GFAP: variants seen among roughly 807,000 people sequenced by gnomAD.
GFAP encodes the protein intermediate filament protein.
In GFAP, 38 loss-of-function variants were observed where a neutral mutation model predicts 49.3. That is an observed-to-expected ratio of 0.77 (90% CI 0.60 to 1.01). GFAP has a LOEUF of 1.01. GFAP is among the 50% of genes least tolerant of loss of function. GFAP has a pLI of 0.00. For synonymous variants in GFAP, 222 were observed against 236.4 expected (o/e 0.94, Z 0.56); for missense variants, 463 against 579.1 (o/e 0.80, Z 2.06).
At chr17:44,914,144 C>G in intron 1 of GFAP, 56 bp from the exon 2 acceptor site, 1 of 1,245,344 alleles carries the variant, frequency 8.0e-7, no homozygotes, top group South Asian at 1.3e-5. Flanking sequence ...ACTTGAATAC[C>G]TGCCTCAGTC....
chr17:44,907,427 G>A (rs1320223122), intron 8 of GFAP, 39 bp from the exon 9 acceptor site: 2 of 1,448,646 alleles, frequency 1.4e-6, no homozygotes, highest in African/African-American at 2.8e-5. Context: ...CAACAGTTAG[G>A]AGTTCACACA....
Position 44,911,383 on chromosome 17 carries a change from G to C in GFAP, c.980C>G (p.Ala327Gly). ...HVREAASYQE[A>G]LARLEEEGQS... ...CCCCTCTTCCTCCAGCCGCGCCAGC[G>C]CCTCCTGATAACTGGCCGCCTCCCG... Residue 327 changes from alanine (A) to glycine (G), a missense_variant, in exon 6 of 9, where the codon GCG becomes GGG. Around this residue, in one of 3 missense-constraint regions of GFAP, gnomAD observed 362 missense variants for 445.5 expected, o/e 0.81. Transcript: ENST00000588735. 1 of 1,614,020 alleles carries C rather than the reference G, an allele frequency of 6.2e-7. No individual in the cohort carries two copies. The highest frequency in any genetic ancestry group is 8.5e-7 in the Non-Finnish European group (1 of 1,179,986).
rs973266967 is a variant in GFAP, at chr17:44,903,493, C to T, written c.*3854G>A. 9 of 1,274,732 alleles carry T rather than the reference C, an allele frequency of 7.1e-6. No individual in the cohort carries two copies. The Admixed American group carries it at 1.1e-4, about 16-fold the overall frequency. 79.0% of individuals were successfully genotyped at this position (1,274,732 alleles called of 1,614,324 possible). A position where few individuals can be genotyped will look rare whatever the true frequency, so the allele number is the denominator to read the frequency against. On this transcript the variant is annotated 3_prime_UTR_variant, in exon 9 of 9. Coordinates refer to ENST00000588735, the MANE Select transcript of GFAP (RefSeq NM_002055.5). Reference sequence around the variant, plus strand: ...GCACTGAGGCAGAGATCTCCCTGCCCGAGCACCTCGGCCCGCCCTTCTCAT... The same window carrying T: ...GCACTGAGGCAGAGATCTCCCTGCCTGAGCACCTCGGCCCGCCCTTCTCAT...
intron 7 of GFAP, 114 bp from the exon 8 acceptor site, chr17:44,908,263 G>A: frequency 1.3e-6 from 1 of 747,152 alleles, no homozygotes; most frequent in South Asian, 1.5e-5. Flanking sequence ...GAGAACCTAT[G>A]CAACCGAGCA....
Position 44,914,054 on chromosome 17 carries a change from C to T in GFAP, c.496G>A (p.Glu166Lys), listed in dbSNP as rs770076335. Residue 166 changes from glutamate (E) to lysine (K), a missense_variant, in exon 2 of 9, where the codon GAG becomes AAG. Transcript: ENST00000588735. ...QDETNLRLEA[E>K]NNLAAYRQEA... ...TGTCTATAGGCAGCCAGGTTGTTCT[C>T]GGCTTCCAGCCTCAGGTTGGTTTCA... 3.9e-6 allele frequency: 6 copies of T among 1,557,904 alleles called. No individual in the cohort carries two copies. The highest frequency in any genetic ancestry group is 3.9e-5 in the Admixed American group (2 of 51,882).
At chr17:44,909,655 C>A (rs369563017) in intron 7 of GFAP, 8 of 230,386 alleles carry the variant, frequency 3.5e-5, no homozygotes, top group Admixed American at 9.2e-5. Flanking sequence ...AAATATAACA[C>A]GTCACATTCA....
At position 44,904,788 on chromosome 17, in the gene GFAP, T is replaced by C. The variant is rs2051626830; in HGVS notation, c.*2559A>G. 1.3e-6 allele frequency: 2 copies of C among 1,550,544 alleles called. No individual in the cohort carries two copies. Among genetic ancestry groups the C allele is most frequent in the Non-Finnish European group, 1.7e-6 (2 of 1,146,932 alleles). On this transcript the variant is annotated 3_prime_UTR_variant, in exon 9 of 9. Transcript: ENST00000588735. ...TACCTGAAGGGTGTCAACAGGTCCATGAGGGTGTTCATTGACCACGGCAAC... is the reference window on the plus strand; with the variant it reads ...TACCTGAAGGGTGTCAACAGGTCCACGAGGGTGTTCATTGACCACGGCAAC...
chr17:44,904,649 AT>A lies in GFAP; in HGVS notation c.*2697del. ...CCGGCCCTGGGTGCCCCAGGTGCCCATTCAGTTCCACCAGCAGAGACTGGGC... is the reference window on the plus strand; with the variant it reads ...CCGGCCCTGGGTGCCCCAGGTGCCCATCAGTTCCACCAGCAGAGACTGGGC... On this transcript the variant is annotated 3_prime_UTR_variant, in exon 9 of 9. Coordinates refer to ENST00000588735, the MANE Select transcript of GFAP (RefSeq NM_002055.5). 11 of 1,550,564 alleles carry A rather than the reference AT, an allele frequency of 7.1e-6. No homozygotes were observed. Among genetic ancestry groups the A allele is most frequent in the Non-Finnish European group, 8.7e-6 (10 of 1,146,986 alleles).
chr17:44,913,544 CTT>C (rs1300854060), intron 3 of GFAP, 114 bp from the exon 4 acceptor site: 3 of 1,207,320 alleles, frequency 2.5e-6, no homozygotes, highest in East Asian at 2.4e-5. Flanking sequence ...CGAATGCTCT[CTT>C]GTCTCTTTCC....
chr17:44,911,151 A>G, intron 6 of GFAP, 85 bp downstream of exon 6: 2 of 1,243,772 alleles, frequency 1.6e-6, no homozygotes, highest in South Asian at 2.4e-5. Flanking sequence ...CAAGGCTGAA[A>G]AAGACTCAGT....
rs547934341 is a variant in GFAP, at chr17:44,913,399, C to G, written c.650G>C (p.Arg217Pro). The G allele has an allele frequency of 6.2e-7, 1 of 1,614,164 alleles. No individual in the cohort carries two copies. Among genetic ancestry groups the G allele is most frequent in the African/African-American group, 1.3e-5 (1 of 75,058 alleles). Residue 217 changes from arginine (R) to proline (P), a missense_variant, in exon 4 of 9, where the codon CGA (arginine) becomes CCA (proline). By Grantham distance (103) the Arg-to-Pro change is moderately radical. This residue lies in a region of GFAP where 362 missense variants were observed against 445.5 expected (regional missense o/e 0.81). Transcript: ENST00000588735. ...EVRELQEQLA[R>P]QQVHVELDVA... ...GTCAAGCTCCACATGGACCTGCTGT[C>G]GGGCCAGCTGCTCCTGGAGTTCCCG...
chr17:44,903,916 G>T lies in GFAP; in HGVS notation c.*3431C>A. 1 of 1,550,586 alleles carries T rather than the reference G, an allele frequency of 6.4e-7. No individual in the cohort carries two copies. The highest frequency in any genetic ancestry group is 8.7e-7 in the Non-Finnish European group (1 of 1,146,990). On this transcript the variant is annotated 3_prime_UTR_variant, in exon 9 of 9. Transcript: ENST00000588735. ...TGGAGAAGGAAAACATTTTTCAGAG[G>T]ACCCCCTGCCCTGCTTTCCTGATGT... is the stretch of plus-strand genomic sequence containing the variant.
intron 1 of GFAP, 69 bp downstream of exon 1, chr17:44,914,957 T>A: frequency 7.1e-7 from 1 of 1,413,006 alleles, no homozygotes. Context: ...CTGAGACTTC[T>A]CGGGCACTCC....
At chr17:44,907,966 GA>G (rs1405243896) in intron 8 of GFAP, 97 bp downstream of exon 8, 10 of 853,522 alleles carry the variant, frequency 1.2e-5, no homozygotes, top group Non-Finnish European at 2.1e-5. Context: ...GAGTTGCTGG[GA>G]ACCTTCTATG....
At chr17:44,911,949 G>C (rs2051782530) in intron 4 of GFAP, 152 bp from the exon 5 acceptor site, 1 of 834,840 alleles carries the variant, frequency 1.2e-6, no homozygotes, top group Non-Finnish European at 1.9e-6. Flanking sequence ...GATGCGGGCA[G>C]GGTAGCGGGC....
intron 7 of GFAP, chr17:44,909,942 G>A: frequency 1.4e-6 from 2 of 1,435,762 alleles, no homozygotes; most frequent in Non-Finnish European, 9.1e-7. Context: ...CCACTAACAA[G>A]CTCTGCCAGT....
At position 44,911,663 on chromosome 17, in the gene GFAP, C is replaced by A. The variant is rs372000966; in HGVS notation, c.906+9G>T. The A allele has an allele frequency of 1.2e-6, 2 of 1,611,786 alleles. No individual in the cohort carries two copies. Among genetic ancestry groups the A allele is most frequent in the East Asian group, 2.2e-5 (1 of 44,874 alleles). ...CCGCCCGTCCCCGTCCTGCCCTGGC[C>A]GCGCTCACCGTGCCGCGCAGAGACT... On this transcript the variant is annotated intron_variant, in intron 5 of 8. Transcript: ENST00000588735.
Position 44,904,943 on chromosome 17 carries a change from C to T in GFAP, c.*2404G>A. 1.3e-6 allele frequency: 2 copies of T among 1,550,696 alleles called. No homozygotes were observed. Among genetic ancestry groups the T allele is most frequent in the East Asian group, 2.4e-5 (1 of 40,926 alleles). ...GCACTACCCAGCCTCGTTCTCAGAT[C>T]CTGAGACTCGCTCGGCTGTGGAGCT... is the stretch of plus-strand genomic sequence containing the variant. On this transcript the variant is annotated 3_prime_UTR_variant, in exon 9 of 9. Transcript: ENST00000588735.
At chr17:44,907,414 G>T in intron 8 of GFAP, 26 bp from the exon 9 acceptor site, 1 of 1,561,718 alleles carries the variant, frequency 6.4e-7, no homozygotes, top group Non-Finnish European at 8.8e-7. Flanking sequence ...AACGTGCACA[G>T]TGCAACAGTT....
Sources: allele counts gnomAD v4.1 joint callset, GRCh38; gene constraint gnomAD v4.1.1; regional missense constraint gnomAD v4.1.1; transcripts MANE v1.5; gene names NCBI Gene and HGNC (gene_info 2026-07-23, HGNC 2026-07-21).